RYR1: variants seen among roughly 807,000 people sequenced by gnomAD.
RYR1 encodes ryanodine receptor 1.
Under a neutral mutation model 583.5 loss-of-function variants are expected in RYR1, and 342 were observed. That is an observed-to-expected ratio of 0.59 (90% confidence interval 0.54 to 0.64). The LOEUF (loss-of-function observed/expected upper bound fraction) is 0.64. Among genes scored for constraint, RYR1 ranks in the 30% least tolerant of loss-of-function variants. The pLI is 0.00. For synonymous variants in RYR1, 2,791 were observed against 2,822.5 expected, an observed-to-expected ratio of 0.99 and a Z score of 0.35; for missense variants, 6,032 against 6,917.2, an observed-to-expected ratio of 0.87 and a Z score of 4.54.
chr19:38,546,567 T>G, intron 88 of RYR1, 41 bp downstream of exon 88: 1 of 1,553,624 alleles, frequency 6.4e-7, no homozygotes, highest in Non-Finnish European at 8.9e-7. Flanking sequence ...AGTAAAGAGG[T>G]TCAGAGAAGC....
Position 38,500,982 on chromosome 19 carries a change from C to T in RYR1, c.7606C>T (p.Leu2536=). The change falls in exon 47 of 106, where the codon CTG becomes TTG. Residue 2536 remains leucine, a synonymous_variant. Coordinates refer to ENST00000359596, the MANE Select transcript of RYR1 (RefSeq NM_000540.3). The surrounding 1 kb of genome is among the most constrained non-coding windows in gnomAD (Gnocchi z 5.9). ...GCCCGACATGAGGGCAGCCGCCTCGCTGGACACGGTGAGCAACCCTGCCCA... is the reference window on the plus strand; with the variant it reads ...GCCCGACATGAGGGCAGCCGCCTCGTTGGACACGGTGAGCAACCCTGCCCA... The part of the protein sequence containing the change: ...FLPDMRAAAS[L]DTATFSTTEM... 1 of 1,613,434 alleles carries T rather than the reference C, an allele frequency of 6.2e-7. No individual in the cohort carries two copies. The highest frequency in any genetic ancestry group is 8.5e-7 in the Non-Finnish European group (1 of 1,179,870).
chr19:38,575,102 T>G (rs1263883070), intron 96 of RYR1, among the ~76,000 whole-genome samples: 1 of 151,638 alleles, frequency 6.6e-6, no homozygotes, highest in East Asian at 1.9e-4. Context: ...ATTTGTCACT[T>G]GGAAAACTGG....
At chr19:38,568,165 A>G (rs1308696139) in intron 93 of RYR1, among the ~76,000 whole-genome samples, 1 of 152,068 alleles carries the variant, frequency 6.6e-6, no homozygotes, top group Non-Finnish European at 1.5e-5. Context: ...ACCTCTGTTC[A>G]TCGGGGCCAC....
rs558584170 is a variant in RYR1, at chr19:38,446,408, C to G, written c.632-64C>G. The G allele has an allele frequency of 1.1e-5, 14 of 1,290,606 alleles. No homozygotes were observed. The South Asian group carries it at 1.2e-4, about 11-fold the overall frequency. The allele number at this position is 1,290,606 out of a possible 1,614,324, so 79.9% of individuals were successfully genotyped here. ...GGAGGAGCAGGGCCCCTGACTTCAT[C>G]TTGGCTCCTGGTCTTCCTGGGGCTC... On this transcript the variant is annotated intron_variant, in intron 7 of 105. Coordinates refer to ENST00000359596, the MANE Select transcript of RYR1 (RefSeq NM_000540.3).
At position 38,475,370 on chromosome 19, in the gene RYR1, C is replaced by T; in HGVS notation, c.4213C>T (p.Pro1405Ser). Residue 1405 changes from proline to serine, a missense_variant, in exon 29 of 106, where the codon CCC becomes TCC. Physicochemically the swap from Pro to Ser is moderately conservative, Grantham distance 74 (BLOSUM62 -1). This residue lies in a region of RYR1 where 2,627 missense variants were observed against 2,961.3 expected (regional missense o/e 0.89). Transcript: ENST00000359596. Reference protein sequence around the residue: ...VAMMTQPPATPTLPRLPHDVV... With the variant: ...VAMMTQPPATSTLPRLPHDVV... ...CATGATGACCCAGCCACCGGCCACC[C>T]CCACGCTGCCCCGACTCCCTCACGA... 1 of 1,612,974 alleles carries T rather than the reference C, an allele frequency of 6.2e-7. No individual in the cohort carries two copies. Among genetic ancestry groups the T allele is most frequent in the Non-Finnish European group, 8.5e-7 (1 of 1,179,500 alleles).
intron 52 of RYR1, 37 bp from the exon 53 acceptor site, chr19:38,505,272 C>T: frequency 2.0e-6 from 3 of 1,471,216 alleles, no homozygotes; most frequent in South Asian, 1.2e-5. Flanking sequence ...TCCCCAACTG[C>T]TGCCTCCCCC....
chr19:38,444,654 C>G lies in RYR1; in HGVS notation c.608C>G (p.Pro203Arg). The G allele has an allele frequency of 3.1e-6, 5 of 1,613,884 alleles. No homozygotes were observed. Among genetic ancestry groups the G allele is most frequent in the Non-Finnish European group, 4.2e-6 (5 of 1,179,876 alleles). Residue 203 changes from proline to arginine, a missense_variant, in exon 7 of 106, where the codon CCC becomes CGC. By Grantham distance (103) the Pro-to-Arg change is moderately radical. Around this residue, in one of 11 missense-constraint regions of RYR1, gnomAD observed 338 missense variants for 441.6 expected, o/e 0.77. Transcript: ENST00000359596. This position sits in a 1 kb window ranked among gnomAD's most constrained non-coding sequence, Gnocchi z 5.1. ...ATGCAGACACTATGGAACATGAACC[C>G]CATCTGCTCCCGCTGCGAAGAGGGT... ...SFMQTLWNMNPICSRCEEGFV... is the reference protein window; with the variant it reads ...SFMQTLWNMNRICSRCEEGFV...
At chr19:38,530,841 T>TGCC (rs1971699576) in intron 76 of RYR1, among the ~76,000 whole-genome samples, 2 of 151,812 alleles carry the variant, frequency 1.3e-5, no homozygotes, top group African/African-American at 4.8e-5. Flanking sequence ...TTGCTCTTGT[T>TGCC]GCCCAGGCTG....
At chr19:38,510,408 C>G in intron 58 of RYR1, 90 bp from the exon 59 acceptor site, 1 of 1,324,982 alleles carries the variant, frequency 7.5e-7, no homozygotes. Context: ...CCCATCATTT[C>G]CCAACTCTGC....
chr19:38,512,135 A>G lies in RYR1; in HGVS notation c.9233+3A>G, dbSNP rs1555787274. The G allele has an allele frequency of 1.2e-6, 2 of 1,614,138 alleles. No individual in the cohort carries two copies. Among genetic ancestry groups the G allele is most frequent in the African/African-American group, 2.7e-5 (2 of 75,022 alleles). ...CTGGCCCGCTCCCTGGATGCCAGGT[A>G]GGGCCATAGGCAGTGGCGCCCACTC... On this transcript the variant is annotated splice_donor_region_variant and intron_variant, in intron 62 of 105. Coordinates refer to ENST00000359596, the MANE Select transcript of RYR1 (RefSeq NM_000540.3). The surrounding 1 kb of genome is among the most constrained non-coding windows in gnomAD (Gnocchi z 5.1).
chr19:38,523,474 T>C (rs1252418481), intron 69 of RYR1, 165 bp downstream of exon 69: 2 of 698,708 alleles, frequency 2.9e-6, no homozygotes, highest in Non-Finnish European at 5.0e-6. Context: ...CCTCCCCAGC[T>C]CCTTCCTCCT....
At position 38,460,382 on chromosome 19, in the gene RYR1, T is replaced by C. The variant is rs777369224; in HGVS notation, c.2368T>C (p.Phe790Leu). ...TTGTCCTTCCTTACCCAGGGTGCGG[T>C]TCCTCCTTGGTGGCCGCCATGGTGA... ...VSFSAGVKVRFLLGGRHGEFK... is the reference protein window; with the variant it reads ...VSFSAGVKVRLLLGGRHGEFK... Residue 790 changes from phenylalanine to leucine, a missense_variant, in exon 20 of 106, where the codon TTC (phenylalanine) becomes CTC (leucine). Around this residue, in one of 11 missense-constraint regions of RYR1, gnomAD observed 2,627 missense variants for 2,961.3 expected, o/e 0.89. Coordinates refer to ENST00000359596, the MANE Select transcript of RYR1 (RefSeq NM_000540.3). 11 of 1,614,092 alleles carry C rather than the reference T, an allele frequency of 6.8e-6. No individual in the cohort carries two copies. The South Asian group carries it at 9.9e-5, about 14-fold the overall frequency.
At chr19:38,568,653 G>A (rs1359418419) in intron 93 of RYR1, among the ~76,000 whole-genome samples, 1 of 150,848 alleles carries the variant, frequency 6.6e-6, no homozygotes, top group Non-Finnish European at 1.5e-5. Flanking sequence ...TCAGGATGCT[G>A]AGGCATGAGA....
chr19:38,499,936 C>G lies in RYR1; in HGVS notation c.7243C>G (p.Arg2415Gly), dbSNP rs368013861. 50 of 1,614,032 alleles carry G rather than the reference C, an allele frequency of 3.1e-5. No individual in the cohort carries two copies. The highest frequency in any genetic ancestry group is 4.2e-5 in the Non-Finnish European group (50 of 1,180,024). The stretch of plus-strand genomic sequence containing the variant: ...TGGTGAGGAACCGCCTGAAGAAAAC[C>G]GGGTGCACCTGGGACACGCCATCAT... ...HFGEEPPEEN[R>G]VHLGHAIMSF... is the part of the protein sequence containing the mutation. Residue 2415 changes from arginine to glycine, a missense_variant, in exon 45 of 106, where the codon CGG becomes GGG. Physicochemically the swap from Arg to Gly is moderately radical, Grantham distance 125 (BLOSUM62 -2). This residue lies in a region of RYR1 where 2,627 missense variants were observed against 2,961.3 expected (regional missense o/e 0.89). Transcript: ENST00000359596. This position sits in a 1 kb window ranked among gnomAD's most constrained non-coding sequence, Gnocchi z 7.3.
intron 84 of RYR1, among the ~76,000 whole-genome samples, chr19:38,539,196 A>T (rs1972098377): frequency 1.3e-5 from 2 of 151,132 alleles, no homozygotes; most frequent in Non-Finnish European, 1.5e-5. Context: ...GAGTTTTTCA[A>T]GGTTTATTAA....
intron 91 of RYR1, 96 bp from the exon 92 acceptor site, chr19:38,566,815 G>A: frequency 1.9e-6 from 3 of 1,547,336 alleles, no homozygotes; most frequent in East Asian, 2.4e-5. Context: ...AGATTACCCA[G>A]GGGAAATAAG....
chr19:38,516,913 C>T (rs904341691), intron 65 of RYR1, among the ~76,000 whole-genome samples: 2 of 152,228 alleles, frequency 1.3e-5, no homozygotes, highest in South Asian at 4.1e-4. Flanking sequence ...CAGCTGTTCT[C>T]CCAGAATGGC....
chr19:38,525,559 A>T, intron 71 of RYR1, 57 bp downstream of exon 71: 1 of 1,570,026 alleles, frequency 6.4e-7, no homozygotes, highest in Non-Finnish European at 8.7e-7. Context: ...CACCCACTGA[A>T]CCCCTGGGAC....
At chr19:38,573,376 G>A in intron 96 of RYR1, 69 bp downstream of exon 96, 1 of 1,571,084 alleles carries the variant, frequency 6.4e-7, no homozygotes, top group Non-Finnish European at 8.6e-7. Context: ...GTCCAGGCCT[G>A]GACCCCAAAA....
Sources: allele counts gnomAD v4.1 joint callset (sites outside exome capture counted in the v4.1 genomes callset), GRCh38; gene constraint gnomAD v4.1.1; regional missense constraint gnomAD v4.1.1; non-coding constraint Gnocchi (gnomAD v3.1); transcripts MANE v1.5; gene names NCBI Gene and HGNC (gene_info 2026-07-23, HGNC 2026-07-21).